The following SHROOM2 variants were observed in gnomAD, a reference collection of about 807,000 sequenced individuals.
SHROOM2 encodes protein Shroom2.
Under a neutral mutation model 75.9 loss-of-function variants are expected in SHROOM2, and 33 were observed. That is an observed-to-expected ratio of 0.43 (90% confidence interval 0.33 to 0.58). The LOEUF is 0.58. Ranked by LOEUF, SHROOM2 falls within the 20% of genes least tolerant of loss-of-function variation. SHROOM2 has a pLI of 0.04. For missense variants in SHROOM2, 1,434 were observed against 1,461.2 expected (o/e 0.98, Z 0.30); for synonymous variants, 655 against 663.6 (o/e 0.99, Z 0.20).
At chrX:9,826,529 T>G (rs751823181) in intron 1 of SHROOM2, among the ~76,000 whole-genome samples, 64 of 111,149 alleles carry the variant, frequency 5.8e-4, no homozygotes, top group African/African-American at 2.0e-3. Context: ...CCCAGTGCTT[T>G]GGGAGGCTGA....
chrX:9,847,012 G>A (rs1365346728), intron 1 of SHROOM2, among the ~76,000 whole-genome samples: 1 of 112,297 alleles, frequency 8.9e-6, no homozygotes, highest in Non-Finnish European at 1.9e-5. Context: ...GGACAATTCA[G>A]CCACCAGAAT....
chrX:9,875,658 G>A (rs909753700), intron 2 of SHROOM2, among the ~76,000 whole-genome samples: 1 of 112,419 alleles, frequency 8.9e-6, no homozygotes, highest in Admixed American at 9.4e-5. Flanking sequence ...GAGTTCCTGA[G>A]TCGGAAGGTG....
rs777582273 is a variant in SHROOM2 at position 9,939,424 on chromosome X, G to A, written c.4311+58G>A. The stretch of plus-strand genomic sequence containing the variant: ...CGTGTCCAGGCAGGGGCAGGCATCC[G>A]GATCACACCATCCTGCCCCAGCGCA... On this transcript the variant is annotated intron_variant, in intron 8 of 9. Transcript: ENST00000380913. 269 of 1,031,505 alleles carry A rather than the reference G, an allele frequency of 2.6e-4. 2 individuals carry two copies. In the South Asian group the frequency reaches 3.9e-3, roughly 15 times the overall value. 85.0% of individuals were successfully genotyped at this position (1,031,505 alleles called of 1,213,427 possible). A position where few individuals can be genotyped will look rare whatever the true frequency, so the allele number is the denominator to read the frequency against.
At position 9,895,211 on chromosome X, in the gene SHROOM2, C is replaced by T; in HGVS notation, c.1303C>T (p.His435Tyr). Reference sequence around the variant, plus strand: ...CCGACACCCTCCCCTATACAGCGACCACAGCCCCCTCTGTGCTGACAGCCT... The same window carrying T: ...CCGACACCCTCCCCTATACAGCGACTACAGCCCCCTCTGTGCTGACAGCCT... ...SGRHPPLYSD[H>Y]SPLCADSLGQ... The change falls in exon 4 of 10, where the codon CAC (histidine) becomes TAC (tyrosine). Residue 435 changes from histidine (H) to tyrosine (Y), a missense_variant. His to Tyr is a moderately conservative substitution (Grantham distance 83). This residue lies in a region of SHROOM2 where 1,340 missense variants were observed against 1,338.3 expected (regional missense o/e 1.00). Coordinates refer to ENST00000380913, the MANE Select transcript of SHROOM2 (RefSeq NM_001649.4). 8.3e-7 allele frequency: 1 copy of T among 1,208,364 alleles called. No individual in the cohort carries two copies. Among genetic ancestry groups the T allele is most frequent in the Non-Finnish European group, 1.1e-6 (1 of 893,817 alleles).
chrX:9,883,750 G>A (rs1347848196), intron 2 of SHROOM2, among the ~76,000 whole-genome samples: 1 of 111,492 alleles, frequency 9.0e-6, no homozygotes, highest in Non-Finnish European at 1.9e-5. Context: ...GCCTTCCGGA[G>A]GATTGGCAGG....
intron 1 of SHROOM2, among the ~76,000 whole-genome samples, chrX:9,807,144 A>T (rs2083757953): frequency 8.9e-6 from 1 of 111,831 alleles, no homozygotes; most frequent in African/African-American, 3.2e-5. Context: ...GAGCCTCATG[A>T]AGGTCCCTGC....
At chrX:9,886,356 G>C (rs1241819913) in intron 2 of SHROOM2, among the ~76,000 whole-genome samples, 1 of 111,868 alleles carries the variant, frequency 8.9e-6, no homozygotes, top group African/African-American at 3.3e-5. Context: ...CCTCAACCCT[G>C]TATCTTTTTG....
chrX:9,943,079 A>T (rs1413800431), intron 8 of SHROOM2, among the ~76,000 whole-genome samples: 2 of 109,689 alleles, frequency 1.8e-5, no homozygotes, highest in Non-Finnish European at 3.8e-5. Context: ...TAAAAAAATT[A>T]TCTGGGTGTG....
At chrX:9,892,017 T>C (rs780663314) in intron 3 of SHROOM2, among the ~76,000 whole-genome samples, 6 of 110,270 alleles carry the variant, frequency 5.4e-5, no homozygotes, top group African/African-American at 9.9e-5. Context: ...CCCAACACTT[T>C]GGGAAGCTAA....
chrX:9,879,645 C>T (rs1299279146), intron 2 of SHROOM2, among the ~76,000 whole-genome samples: 1 of 112,651 alleles, frequency 8.9e-6, no homozygotes, highest in Non-Finnish European at 1.9e-5. Context: ...AAAGTTACTT[C>T]TATTGGGGTT....
intron 7 of SHROOM2, among the ~76,000 whole-genome samples, chrX:9,938,900 A>G (rs1174610302): frequency 8.9e-6 from 1 of 112,262 alleles, no homozygotes; most frequent in Non-Finnish European, 1.9e-5. Context: ...CCTGGTAGAG[A>G]TCATCTGTGC....
At chrX:9,880,787 T>A (rs1418194477) in intron 2 of SHROOM2, among the ~76,000 whole-genome samples, 1 of 111,633 alleles carries the variant, frequency 9.0e-6, no homozygotes, top group Non-Finnish European at 1.9e-5. Context: ...AAGAAAATGC[T>A]CCATAATGAA....
intron 6 of SHROOM2, among the ~76,000 whole-genome samples, chrX:9,936,465 C>T (rs1236917348): frequency 8.9e-6 from 1 of 111,794 alleles, no homozygotes; most frequent in Non-Finnish European, 1.9e-5. Context: ...AATACAGAAC[C>T]GATGACTCGC....
At position 9,948,709 on chromosome X, in the gene SHROOM2, C is replaced by G. The variant is rs981826407; in HGVS notation, c.*1772C>G. ...CTACCAATGCCAAAAGGATAAATGT[C>G]TTTCCAAAAGTGTGTATTCCTGTTA... On this transcript the variant is annotated 3_prime_UTR_variant, in exon 10 of 10. Transcript: ENST00000380913. 8.8e-6 allele frequency: 1 copy of G among 113,126 alleles called. No individual in the cohort carries two copies. The highest frequency in any genetic ancestry group is 3.2e-5 in the African/African-American group (1 of 31,083). The allele number at this position is 113,126 out of a possible 1,213,427, so 9.3% of individuals were successfully genotyped here. A position where few individuals can be genotyped will look rare whatever the true frequency, so the allele number is the denominator to read the frequency against.
intron 1 of SHROOM2, among the ~76,000 whole-genome samples, chrX:9,790,905 C>T (rs2040621): frequency 0.51 from 56,081 of 109,135 alleles, 11,035 homozygotes; most frequent in Non-Finnish European, 0.61. Context: ...AGGCAGTGAG[C>T]CTCAAGTCCT....
At chrX:9,823,735 TTTTTTTC>T (rs761781106) in intron 1 of SHROOM2, among the ~76,000 whole-genome samples, 4,053 of 96,489 alleles carry the variant, frequency 0.042, 108 homozygotes, top group Non-Finnish European at 0.056. Flanking sequence ...GAAACAACAT[TTTTTTTC>T]TTTTTTCTTT....
At chrX:9,856,899 C>T (rs937738323) in intron 1 of SHROOM2, among the ~76,000 whole-genome samples, 1 of 112,559 alleles carries the variant, frequency 8.9e-6, no homozygotes, top group Non-Finnish European at 1.9e-5. Context: ...CCGCTGGGAC[C>T]GCACATGCCA....
chrX:9,836,715 C>T (rs997676544), intron 1 of SHROOM2, among the ~76,000 whole-genome samples: 7 of 111,458 alleles, frequency 6.3e-5, no homozygotes, highest in African/African-American at 2.0e-4. Context: ...GCGTGAGCCA[C>T]TGTTGCCGGC....
In SHROOM2 at chrX:9,820,518, C is replaced by T. The variant is rs1394341221; in HGVS notation, c.165+33808C>T. ...GTAGCTGGGACTACAGGTGCACCAC[C>T]GTGCCCTGCTAATTAAAAAGGTTTT... On this transcript the variant is annotated intron_variant, in intron 1 of 9. Transcript: ENST00000380913. 4.5e-5 allele frequency among the ~76,000 whole-genome samples: 5 copies of T among 111,344 alleles called. No homozygotes were observed. The South Asian group carries it at 1.1e-3, about 25-fold the overall frequency.
Sources: allele counts gnomAD v4.1 joint callset (sites outside exome capture counted in the v4.1 genomes callset), GRCh38; gene constraint gnomAD v4.1.1; regional missense constraint gnomAD v4.1.1; transcripts MANE v1.5; gene names NCBI Gene and HGNC (gene_info 2026-07-23, HGNC 2026-07-21).